The following MSI2 variants were observed in gnomAD, a reference collection of about 807,000 sequenced individuals.
MSI2 encodes musashi RNA binding protein 2, also known as RNA-binding protein Musashi homolog 2.
A neutral mutation model predicts 45.6 loss-of-function variants in MSI2; 17 were observed. That is an observed-to-expected ratio of 0.37 (90% confidence interval 0.26 to 0.56). The LOEUF (loss-of-function observed/expected upper bound fraction) is 0.56, where lower values mean the gene tolerates loss of function less well. Ranked by LOEUF, MSI2 falls within the 20% of genes least tolerant of loss-of-function variation. MSI2 has a pLI of 0.77. For synonymous variants in MSI2, 156 were observed against 158.2 expected, an observed-to-expected ratio of 0.99 and a Z score of 0.11; for missense variants, 293 against 444.2, an observed-to-expected ratio of 0.66 and a Z score of 3.06.
At chr17:57,541,520 A>G (rs538766214) in intron 7 of MSI2, among the ~76,000 whole-genome samples, 5 of 152,344 alleles carry the variant, frequency 3.3e-5, no homozygotes, top group Admixed American at 6.5e-5. Flanking sequence ...AAAGCTGCCA[A>G]ACAGACTTCT....
chr17:57,322,247 G>A (rs1913411040), intron 5 of MSI2, among the ~76,000 whole-genome samples: 1 of 152,164 alleles, frequency 6.6e-6, no homozygotes, highest in Non-Finnish European at 1.5e-5. Flanking sequence ...GCAGGGAGCT[G>A]AGGCCAACTT....
chr17:57,458,099 CTTT>C lies in MSI2; in HGVS notation c.405+56644_405+56646del, dbSNP rs545653222. ...CTATATTAGCCTGACATATATATAC[CTTT>C]TTTTTTTTTTTTTTTGGAGATGGAG... On this transcript the variant is annotated intron_variant, in intron 6 of 13. Coordinates refer to ENST00000284073, the MANE Select transcript of MSI2 (RefSeq NM_138962.4). Among the ~76,000 whole-genome samples the C allele has an allele frequency of 5.9e-3, 796 of 133,992 alleles. 3 individuals carry two copies. The highest frequency in any genetic ancestry group is 0.037 in the Middle Eastern group (9 of 244). 87.9% of individuals were successfully genotyped at this position (133,992 alleles called of 152,430 possible).
chr17:57,324,780 A>G (rs1337914196), intron 5 of MSI2, among the ~76,000 whole-genome samples: 1 of 152,076 alleles, frequency 6.6e-6, no homozygotes, highest in Non-Finnish European at 1.5e-5. Context: ...AGGGCATGTG[A>G]CAAGTGCTGT....
chr17:57,401,302 G>C, intron 5 of MSI2, 77 bp from the exon 6 acceptor site: 2 of 1,204,700 alleles, frequency 1.7e-6, no homozygotes, highest in Non-Finnish European at 2.5e-6. Flanking sequence ...GTGGAGAGCA[G>C]ATTGTTTCAG....
intron 5 of MSI2, among the ~76,000 whole-genome samples, chr17:57,272,857 G>T (rs1197954587): frequency 6.6e-6 from 1 of 152,176 alleles, no homozygotes. Flanking sequence ...GCCAGATAGG[G>T]CCTGGTGTAT....
At chr17:57,401,579 T>A in intron 6 of MSI2, 108 bp downstream of exon 6, 1 of 799,792 alleles carries the variant, frequency 1.3e-6, no homozygotes, top group Non-Finnish European at 2.1e-6. Flanking sequence ...CTCAAGAACC[T>A]TGTCCTTGAA....
At chr17:57,339,569 G>A (rs79297698) in intron 5 of MSI2, among the ~76,000 whole-genome samples, 2,251 of 152,214 alleles carry the variant, frequency 0.015, 62 homozygotes, top group African/African-American at 0.052. Flanking sequence ...GTTGAGTCCC[G>A]TTTGCCATGC....
At chr17:57,581,004 C>CTTTCTTTTTTTTTT (rs2088188661) in intron 7 of MSI2, among the ~76,000 whole-genome samples, 1 of 66,506 alleles carries the variant, frequency 1.5e-5, no homozygotes, top group East Asian at 5.6e-4. Context: ...AGGTCAGCAT[C>CTTTCTTTTTTTTTT]TTTTTTTTTT....
intron 5 of MSI2, among the ~76,000 whole-genome samples, chr17:57,336,756 G>A (rs895743289): frequency 2.6e-5 from 4 of 152,234 alleles, no homozygotes; most frequent in Non-Finnish European, 5.9e-5. Flanking sequence ...TCTTGCGTGC[G>A]AGGAACTAAA....
chr17:57,445,692 C>T (rs779670858), intron 6 of MSI2, among the ~76,000 whole-genome samples: 1 of 151,998 alleles, frequency 6.6e-6, no homozygotes, highest in Admixed American at 6.5e-5. Flanking sequence ...GTTTATAAGC[C>T]GTTTAAGGAG....
At chr17:57,393,646 C>T (rs571957640) in intron 5 of MSI2, among the ~76,000 whole-genome samples, 1 of 152,228 alleles carries the variant, frequency 6.6e-6, no homozygotes, top group East Asian at 1.9e-4. Flanking sequence ...AGCGGAATTG[C>T]TGGATCATAT....
intron 6 of MSI2, among the ~76,000 whole-genome samples, chr17:57,508,725 G>A (rs1050144807): frequency 6.6e-6 from 1 of 152,192 alleles, no homozygotes; most frequent in African/African-American, 2.4e-5. Context: ...ACAGATACGC[G>A]CGTGAGCCCG....
intron 7 of MSI2, among the ~76,000 whole-genome samples, chr17:57,562,808 T>C (rs1390976305): frequency 2.6e-5 from 4 of 151,996 alleles, no homozygotes; most frequent in Admixed American, 6.6e-5. Flanking sequence ...TTTTTAAAAA[T>C]GCGTACAGGC....
At chr17:57,491,152 G>C (rs1416030201) in intron 6 of MSI2, among the ~76,000 whole-genome samples, 1 of 152,190 alleles carries the variant, frequency 6.6e-6, no homozygotes, top group Admixed American at 6.5e-5. Flanking sequence ...CGCTCGCATT[G>C]GTCAGTTTAT....
chr17:57,438,961 G>A (rs1567823646), intron 6 of MSI2, among the ~76,000 whole-genome samples: 2 of 152,036 alleles, frequency 1.3e-5, no homozygotes, highest in Admixed American at 6.6e-5. Context: ...CACCACGCCC[G>A]GCTATTTGTT....
chr17:57,319,196 G>A (rs1023155043), intron 5 of MSI2, among the ~76,000 whole-genome samples: 1 of 152,268 alleles, frequency 6.6e-6, no homozygotes, highest in African/African-American at 2.4e-5. Context: ...TGCGACAGGG[G>A]CGAAGCCTGT....
intron 10 of MSI2, among the ~76,000 whole-genome samples, chr17:57,633,882 CA>C (rs1322479655): frequency 6.6e-6 from 1 of 152,170 alleles, no homozygotes; most frequent in African/African-American, 2.4e-5. Flanking sequence ...GTGGTTTTCC[CA>C]TTTTTATCCC....
chr17:57,382,294 G>A lies in MSI2; in HGVS notation c.313-19085G>A, dbSNP rs780266848. 3.4e-4 allele frequency among the ~76,000 whole-genome samples: 52 copies of A among 152,206 alleles called. 1 individual carries two copies. The highest frequency in any genetic ancestry group is 3.8e-4 in the Non-Finnish European group (26 of 68,038). ...AAATAAAACAAGCAAATTATAGAAT[G>A]TGCTAGAAGATGAGAGGCTGGGAGA... is the stretch of plus-strand genomic sequence containing the variant. On this transcript the variant is annotated intron_variant, in intron 5 of 13. Transcript: ENST00000284073.
At chr17:57,337,473 C>CA (rs1914771168) in intron 5 of MSI2, among the ~76,000 whole-genome samples, 1 of 152,150 alleles carries the variant, frequency 6.6e-6, no homozygotes, top group African/African-American at 2.4e-5. Context: ...CTCTAGCCTT[C>CA]ACGGCTGGGT....
Sources: gnomAD v4.1 joint callset for allele counts (sites outside exome capture counted in the v4.1 genomes callset) on GRCh38, gnomAD v4.1.1 for gene constraint, MANE v1.5 for transcripts, NCBI Gene and HGNC (gene_info 2026-07-23, HGNC 2026-07-21) for gene names.